The following IFT88 variants were observed in gnomAD, a reference collection of about 807,000 sequenced individuals.
IFT88 encodes intraflagellar transport 88, also known as intraflagellar transport protein 88 homolog.
A neutral mutation model predicts 119.5 loss-of-function variants in IFT88; 74 were observed. The observed-to-expected ratio is 0.62, with a 90% confidence interval of 0.51 to 0.75. IFT88 has a LOEUF of 0.75. Ranked by LOEUF, IFT88 falls within the 30% of genes least tolerant of loss-of-function variation. IFT88 has a pLI of 0.00. For missense variants in IFT88, 961 were observed against 977.7 expected (o/e 0.98, Z 0.23); for synonymous variants, 279 against 316.7 (o/e 0.88, Z 1.26).
intron 13 of IFT88, among the ~76,000 whole-genome samples, chr13:20,611,040 C>T (rs912195471): frequency 2.6e-5 from 4 of 151,604 alleles, no homozygotes; most frequent in East Asian, 1.9e-4. Context: ...TGCAGTGAGC[C>T]GTGATCATGC....
chr13:20,600,486 G>A (rs1171208759), intron 11 of IFT88, among the ~76,000 whole-genome samples: 1 of 151,970 alleles, frequency 6.6e-6, no homozygotes, highest in Non-Finnish European at 1.5e-5. Context: ...GACCAGTCAG[G>A]GAAATAATAG....
chr13:20,591,654 G>A lies in IFT88; in HGVS notation c.301G>A (p.Ala101Thr). Residue 101 changes from alanine (A) to threonine (T), a missense_variant, in exon 6 of 26, where the codon GCT becomes ACT. Coordinates refer to ENST00000351808, the MANE Select transcript of IFT88 (RefSeq NM_006531.5). ...VTRPMTAVRA[A>T]GFTKAALRGS... ...TAGACCCATGACAGCAGTGAGAGCA[G>A]CTGGTTTTACCAAAGCAGCTTTGAG... The A allele has an allele frequency of 6.2e-7, 1 of 1,612,788 alleles. No homozygotes were observed.
intron 14 of IFT88, among the ~76,000 whole-genome samples, chr13:20,617,622 T>C (rs2139709058): frequency 1.3e-5 from 2 of 152,334 alleles, no homozygotes; most frequent in Middle Eastern, 3.4e-3. Context: ...GAGAGGCCCT[T>C]TCTGCTAATA....
intron 23 of IFT88, among the ~76,000 whole-genome samples, chr13:20,670,523 C>CTTTTTTTTTTTTTTT (rs56143632): frequency 1.1e-5 from 1 of 94,978 alleles, no homozygotes. Context: ...CTCAGCTTAC[C>CTTTTTTTTTTTTTTT]TTTTTTTTTT....
At position 20,638,492 on chromosome 13, in the gene IFT88, C is replaced by CT; in HGVS notation, c.1549dup (p.Cys517LeufsTer3). 2 of 1,496,660 alleles carry CT rather than the reference C, an allele frequency of 1.3e-6. No individual in the cohort carries two copies. The highest frequency in any genetic ancestry group is 1.8e-6 in the Non-Finnish European group (2 of 1,128,268). The allele number at this position is 1,496,660 out of a possible 1,614,324, so 92.7% of individuals were successfully genotyped here. ...AAAGAGGCTCTAAGAAATGATTCTT[C>CT]TTGTACTGAAGCACTTTATAATATT... On this transcript the variant is annotated frameshift_variant, in exon 17 of 26. Coordinates refer to ENST00000351808, the MANE Select transcript of IFT88 (RefSeq NM_006531.5). LOFTEE classifies it high-confidence loss of function.
At chr13:20,591,540 A>T in intron 5 of IFT88, 78 bp from the exon 6 acceptor site, 1 of 1,032,718 alleles carries the variant, frequency 9.7e-7, no homozygotes. Flanking sequence ...GGGCTATATT[A>T]AGGTGTGTGT....
intron 2 of IFT88, among the ~76,000 whole-genome samples, chr13:20,577,704 C>A (rs942262457): frequency 2.0e-5 from 3 of 152,048 alleles, no homozygotes; most frequent in Non-Finnish European, 2.9e-5. Flanking sequence ...GGGCTAAATC[C>A]CACTTGGTGA....
Position 20,638,378 on chromosome 13 carries a change from A to G in IFT88, c.1433A>G (p.Asn478Ser). 6.8e-7 allele frequency: 1 copy of G among 1,472,934 alleles called. No homozygotes were observed. The highest frequency in any genetic ancestry group is 9.0e-7 in the Non-Finnish European group (1 of 1,113,458). 91.2% of individuals were successfully genotyped at this position (1,472,934 alleles called of 1,614,324 possible). Reference protein sequence around the residue: ...QASSYADIAVNSDRYNPAALT... With the variant: ...QASSYADIAVSSDRYNPAALT... ...AGCAGCTATGCAGATATAGCTGTGA[A>G]CTCTGATAGATATAATCCAGCAGCT... is the stretch of plus-strand genomic sequence containing the variant. The change falls in exon 17 of 26, where the codon AAC becomes AGC. Residue 478 changes from asparagine to serine, a missense_variant. Coordinates refer to ENST00000351808, the MANE Select transcript of IFT88 (RefSeq NM_006531.5).
intron 13 of IFT88, chr13:20,607,276 G>A (rs1046007088): frequency 2.3e-5 from 10 of 428,824 alleles, no homozygotes; most frequent in Non-Finnish European, 4.2e-5. Flanking sequence ...ACTTCTACCC[G>A]TACTGCGTGC....
intron 3 of IFT88, among the ~76,000 whole-genome samples, chr13:20,589,569 T>A (rs1354445780): frequency 1.3e-5 from 2 of 152,184 alleles, no homozygotes; most frequent in Non-Finnish European, 2.9e-5. Context: ...ATCTTTCTTA[T>A]CGGCACCTCA....
chr13:20,615,510 G>A (rs544112517), intron 13 of IFT88, among the ~76,000 whole-genome samples: 1 of 152,268 alleles, frequency 6.6e-6, no homozygotes, highest in South Asian at 2.1e-4. Flanking sequence ...AGGGCCTTGT[G>A]TTTCTCCAGT....
chr13:20,669,312 C>CAGAACA (rs1395554020), intron 23 of IFT88, among the ~76,000 whole-genome samples: 19 of 152,166 alleles, frequency 1.2e-4, no homozygotes, highest in African/African-American at 4.1e-4. Context: ...TACTTACCTT[C>CAGAACA]GCATATCCTG....
intron 7 of IFT88, among the ~76,000 whole-genome samples, chr13:20,593,684 C>T (rs2041132507): frequency 6.6e-6 from 1 of 151,916 alleles, no homozygotes; most frequent in Non-Finnish European, 1.5e-5. Context: ...CTAATAAAAG[C>T]ATTTTTTATT....
chr13:20,682,747 T>C (rs1013848681), intron 24 of IFT88, among the ~76,000 whole-genome samples: 24 of 152,320 alleles, frequency 1.6e-4, no homozygotes, highest in African/African-American at 5.5e-4. Flanking sequence ...AATGTAACAC[T>C]GTGAAAATTT....
chr13:20,606,401 A>C (rs1034070545), intron 13 of IFT88, among the ~76,000 whole-genome samples: 2 of 152,178 alleles, frequency 1.3e-5, no homozygotes, highest in African/African-American at 4.8e-5. Flanking sequence ...AATAGATACA[A>C]GGACCCCTCT....
chr13:20,586,258 A>G (rs1379386088), intron 3 of IFT88, among the ~76,000 whole-genome samples: 3 of 152,224 alleles, frequency 2.0e-5, no homozygotes, highest in Non-Finnish European at 4.4e-5. Context: ...TTACATGGGA[A>G]AAAGTTTTAT....
intron 2 of IFT88, among the ~76,000 whole-genome samples, chr13:20,580,500 G>A (rs2038360492): frequency 6.6e-6 from 1 of 151,816 alleles, no homozygotes; most frequent in African/African-American, 2.4e-5. Context: ...CCAAGATCAC[G>A]CCATTGCACA....
chr13:20,680,860 CGTT>C (rs1172594179), intron 24 of IFT88, among the ~76,000 whole-genome samples: 6 of 152,178 alleles, frequency 3.9e-5, no homozygotes, highest in East Asian at 1.9e-4. Flanking sequence ...TTTCCCAACT[CGTT>C]GTTATCGAAT....
intron 22 of IFT88, chr13:20,663,293 A>C: frequency 1.3e-6 from 2 of 1,490,388 alleles, no homozygotes; most frequent in Non-Finnish European, 1.8e-6. Flanking sequence ...GGACACATGG[A>C]GAGAGACCCT....
Sources: allele counts gnomAD v4.1 joint callset (sites outside exome capture counted in the v4.1 genomes callset), GRCh38; gene constraint gnomAD v4.1.1; transcripts MANE v1.5; gene names NCBI Gene and HGNC (gene_info 2026-07-23, HGNC 2026-07-21).